ADAM32: variants seen among roughly 807,000 people sequenced by gnomAD.
The protein encoded by ADAM32 is disintegrin and metalloproteinase domain-containing protein 32.
Under a neutral mutation model 114.9 loss-of-function variants are expected in ADAM32, and 89 were observed. The observed-to-expected ratio is 0.77, with a 90% CI of 0.65 to 0.92. The LOEUF is 0.92. Among genes scored for constraint, ADAM32 ranks in the 40% least tolerant of loss-of-function variants. The pLI is 0.00. For missense variants in ADAM32, 870 were observed against 932.8 expected (o/e 0.93, Z 0.88); for synonymous variants, 285 against 307.5 (o/e 0.93, Z 0.77).
rs891250354 is a variant in ADAM32, at chr8:39,118,134, C to T, written c.107C>T (p.Thr36Ile). 6.7e-7 allele frequency: 1 copy of T among 1,483,558 alleles called. No homozygotes were observed. Among genetic ancestry groups the T allele is most frequent in the African/African-American group, 1.4e-5 (1 of 68,972 alleles). 91.9% of individuals were successfully genotyped at this position (1,483,558 alleles called of 1,614,324 possible). The change falls in exon 2 of 25, where the codon ACA (threonine) becomes ATA (isoleucine). Residue 36 changes from threonine to isoleucine, a missense_variant. Physicochemically the swap from Thr to Ile is moderately conservative, Grantham distance 89. Coordinates refer to ENST00000379907, the MANE Select transcript of ADAM32 (RefSeq NM_145004.7). ...LQIVIPEKIQ[T>I]NTNDSSEIEY... ...ATCGTAATTCCAGAGAAAATCCAAA[C>T]AAATACAAATGACAGTTCAGAAATA...
At chr8:39,260,226 T>G (rs35440413) in intron 19 of ADAM32, among the ~76,000 whole-genome samples, 4,729 of 152,262 alleles carry the variant, frequency 0.031, 101 homozygotes, top group Non-Finnish European at 0.05. Context: ...ATCTACTCCC[T>G]TAGCAAATGT....
chr8:39,236,280 T>C (rs1810138083), intron 16 of ADAM32, among the ~76,000 whole-genome samples: 1 of 152,188 alleles, frequency 6.6e-6, no homozygotes, highest in African/African-American at 2.4e-5. Flanking sequence ...CATTATTATA[T>C]GGAGTTAATT....
rs111345512 is a variant in ADAM32 at position 39,121,273 on chromosome 8, T to C, written c.138+3108T>C. On this transcript the variant is annotated intron_variant, in intron 2 of 24. Coordinates refer to ENST00000379907, the MANE Select transcript of ADAM32 (RefSeq NM_145004.7). Reference sequence around the variant, plus strand: ...ACTAAAGGGAACAGAGAAAATTGGATAGAATGAAGGAAGGCTGTTTAACTT... The same window carrying C: ...ACTAAAGGGAACAGAGAAAATTGGACAGAATGAAGGAAGGCTGTTTAACTT... Among the ~76,000 whole-genome samples the C allele has an allele frequency of 7.5e-3, 1,138 of 152,292 alleles. 13 individuals carry two copies. Among genetic ancestry groups the C allele is most frequent in the Middle Eastern group, 0.014 (4 of 294 alleles).
At chr8:39,116,556 G>A (rs1345370653) in intron 1 of ADAM32, among the ~76,000 whole-genome samples, 1 of 152,062 alleles carries the variant, frequency 6.6e-6, no homozygotes, top group Non-Finnish European at 1.5e-5. Flanking sequence ...CTGGTGTATA[G>A]AAATGCTAGT....
chr8:39,225,088 A>T (rs1204313942), intron 14 of ADAM32, among the ~76,000 whole-genome samples: 1 of 152,102 alleles, frequency 6.6e-6, no homozygotes, highest in Non-Finnish European at 1.5e-5. Flanking sequence ...ATGAGATCCA[A>T]ATGTGCCTTT....
At chr8:39,253,826 C>G (rs1811460146) in intron 17 of ADAM32, among the ~76,000 whole-genome samples, 1 of 151,350 alleles carries the variant, frequency 6.6e-6, no homozygotes, top group Admixed American at 6.6e-5. Context: ...TAAACTATCC[C>G]TAATAGTCAA....
Position 39,237,604 on chromosome 8 carries a change from C to T in ADAM32, c.1818+3522C>T, listed in dbSNP as rs556335138. Among the ~76,000 whole-genome samples the T allele has an allele frequency of 1.0e-4, 15 of 144,868 alleles. No individual in the cohort carries two copies. The South Asian group carries it at 1.8e-3, about 18-fold the overall frequency. On this transcript the variant is annotated intron_variant, in intron 16 of 24. Transcript: ENST00000379907. ...GGAGCTGGGTGAGACCTGTCACTGC[C>T]GGCTTTCCCCCACTTCCCTGGTGAC... is the stretch of plus-strand genomic sequence containing the variant.
chr8:39,198,053 T>G (rs1462521784), intron 11 of ADAM32, among the ~76,000 whole-genome samples: 2 of 152,274 alleles, frequency 1.3e-5, no homozygotes, highest in African/African-American at 4.8e-5. Flanking sequence ...TGACTTGTTC[T>G]CTTTATCATT....
rs1186049420 is a variant in ADAM32 at position 39,107,751 on chromosome 8, C to T, written c.-25C>T. ...CAATTCCCGACTTCCCAACGGCTTC[C>T]CGCTGGCAGCCCCGAAGCCGCACCA... On this transcript the variant is annotated 5_prime_UTR_variant, in exon 1 of 25. Transcript: ENST00000379907. 1.9e-6 allele frequency: 3 copies of T among 1,550,410 alleles called. No homozygotes were observed. Among genetic ancestry groups the T allele is most frequent in the East Asian group, 4.9e-5 (2 of 40,836 alleles).
intron 14 of ADAM32, among the ~76,000 whole-genome samples, chr8:39,225,311 T>C (rs1057067487): frequency 6.6e-6 from 1 of 152,176 alleles, no homozygotes; most frequent in East Asian, 1.9e-4. Context: ...AGACGCTGAC[T>C]CTCCATCTGC....
chr8:39,107,690 GCGGCCCC>G, upstream of ADAM32: 1 of 1,542,846 alleles, frequency 6.5e-7, no homozygotes, highest in Non-Finnish European at 8.7e-7. Flanking sequence ...CGTGCGGGGA[GCGGCCCC>G]CGGCGTCCGC....
Position 39,165,311 on chromosome 8 carries a change from A to G in ADAM32, c.833+115A>G, listed in dbSNP as rs527565498. 3.3e-4 allele frequency: 276 copies of G among 842,752 alleles called. 1 individual carries two copies. The East Asian group carries it at 7.1e-3, about 22-fold the overall frequency. 52.2% of individuals were successfully genotyped at this position (842,752 alleles called of 1,614,324 possible). A position where few individuals can be genotyped will look rare whatever the true frequency, so the allele number is the denominator to read the frequency against. On this transcript the variant is annotated intron_variant, in intron 9 of 24. Coordinates refer to ENST00000379907, the MANE Select transcript of ADAM32 (RefSeq NM_145004.7). ...AATATCCATGCTTTGATTATTTAGT[A>G]TGTGCTTTATTCAGGCTTTATGCTC... is the stretch of plus-strand genomic sequence containing the variant.
rs140434019 is a variant in ADAM32 at position 39,244,265 on chromosome 8, G to A, written c.1819-1818G>A. 5.3e-3 allele frequency among the ~76,000 whole-genome samples: 808 copies of A among 151,992 alleles called. 6 individuals are homozygous for A. The highest frequency in any genetic ancestry group is 0.019 in the African/African-American group (770 of 41,484). ...CATTCTTCACAGAACTGGAAAAAAC[G>A]ATCCTAAAATTCATATGGAACCAAA... is the stretch of plus-strand genomic sequence containing the variant. On this transcript the variant is annotated intron_variant, in intron 16 of 24. Coordinates refer to ENST00000379907, the MANE Select transcript of ADAM32 (RefSeq NM_145004.7).
chr8:39,153,922 G>T (rs1224904034), intron 6 of ADAM32, among the ~76,000 whole-genome samples: 1 of 151,746 alleles, frequency 6.6e-6, no homozygotes, highest in South Asian at 2.1e-4. Context: ...TTGGAAAGTG[G>T]CATGATCTGG....
chr8:39,173,975 C>CTGG (rs1200461195), intron 10 of ADAM32, among the ~76,000 whole-genome samples: 1 of 152,172 alleles, frequency 6.6e-6, no homozygotes, highest in Admixed American at 6.5e-5. Context: ...CAGACGTGCA[C>CTGG]TGCCACACTT....
At chr8:39,217,456 C>T (rs1808658506) in intron 12 of ADAM32, among the ~76,000 whole-genome samples, 1 of 152,066 alleles carries the variant, frequency 6.6e-6, no homozygotes, top group South Asian at 2.1e-4. Context: ...TTTCTACCCC[C>T]ATCTCTTTAT....
chr8:39,238,401 AC>A (rs1376938446), intron 16 of ADAM32, among the ~76,000 whole-genome samples: 3 of 152,190 alleles, frequency 2.0e-5, no homozygotes, highest in Non-Finnish European at 4.4e-5. Flanking sequence ...TCAAGGGATT[AC>A]CCTGTGGGAC....
chr8:39,107,583 T>A, upstream of ADAM32: 1 of 1,403,682 alleles, frequency 7.1e-7, no homozygotes, highest in East Asian at 2.8e-5. Context: ...CTGGATGTTT[T>A]AGCCTCGGGG....
chr8:39,126,556 T>C (rs1412426068), intron 2 of ADAM32, among the ~76,000 whole-genome samples: 1 of 152,230 alleles, frequency 6.6e-6, no homozygotes, highest in Admixed American at 6.5e-5. Flanking sequence ...AAGTTGCTTA[T>C]TAGCCTAAGA....
Sources: gnomAD v4.1 joint callset for allele counts (sites outside exome capture counted in the v4.1 genomes callset) on GRCh38, gnomAD v4.1.1 for gene constraint, MANE v1.5 for transcripts, NCBI Gene and HGNC (gene_info 2026-07-23, HGNC 2026-07-21) for gene names.